The following ARHGAP20 variants were observed in gnomAD, a reference collection of about 807,000 sequenced individuals.
ARHGAP20 encodes rho GTPase-activating protein 20.
A neutral mutation model predicts 73.7 loss-of-function variants in ARHGAP20; 34 were observed. The ratio of observed to expected loss-of-function variants is 0.46; its 90% CI spans 0.35 to 0.61. ARHGAP20 has a LOEUF of 0.61. Among genes scored for constraint, ARHGAP20 ranks in the 20% least tolerant of loss-of-function variants. The pLI is 0.00. For synonymous variants in ARHGAP20, 523 were observed against 518.2 expected (o/e 1.01, Z -0.13); for missense variants, 1,314 against 1,420.9 (o/e 0.92, Z 1.21).
At chr11:110,597,955 T>C (rs1287435808) in intron 9 of ARHGAP20, among the ~76,000 whole-genome samples, 1 of 152,212 alleles carries the variant, frequency 6.6e-6, no homozygotes, top group African/African-American at 2.4e-5. Flanking sequence ...AAATGAGGGA[T>C]GTAAATGTAA....
chr11:110,649,516 G>T (rs1692719663), intron 2 of ARHGAP20, among the ~76,000 whole-genome samples: 1 of 152,060 alleles, frequency 6.6e-6, no homozygotes, highest in Admixed American at 6.6e-5. Context: ...TATATTAATA[G>T]AGTTCAAATA....
chr11:110,623,799 A>G (rs1240769993), intron 4 of ARHGAP20, among the ~76,000 whole-genome samples: 2 of 152,210 alleles, frequency 1.3e-5, no homozygotes, highest in African/African-American at 2.4e-5. Context: ...AGGGGGTCCT[A>G]AAGATGGGAC....
At chr11:110,706,358 C>T (rs754038347) in intron 1 of ARHGAP20, among the ~76,000 whole-genome samples, 10 of 152,130 alleles carry the variant, frequency 6.6e-5, no homozygotes, top group Non-Finnish European at 1.3e-4. Context: ...ACACCTACCT[C>T]ATATAATTGA....
intron 2 of ARHGAP20, among the ~76,000 whole-genome samples, chr11:110,664,313 T>C (rs997237292): frequency 3.3e-5 from 5 of 152,194 alleles, no homozygotes; most frequent in Non-Finnish European, 5.9e-5. Context: ...CCATTGAAGC[T>C]AACAAGTGAG....
chr11:110,620,110 C>T (rs1211012138), intron 4 of ARHGAP20, among the ~76,000 whole-genome samples: 2 of 152,122 alleles, frequency 1.3e-5, no homozygotes, highest in African/African-American at 4.8e-5. Flanking sequence ...CAGCTCACTG[C>T]AGTCTTGAAT....
At chr11:110,660,065 A>C (rs199598075) in intron 2 of ARHGAP20, among the ~76,000 whole-genome samples, 117 of 95,580 alleles carry the variant, frequency 1.2e-3, no homozygotes, top group African/African-American at 4.8e-3. Context: ...AAAAAACAAA[A>C]AAAAAAAAAA....
chr11:110,583,760 T>C (rs1252901435), intron 12 of ARHGAP20, 23 bp from the exon 13 acceptor site: 1 of 1,513,372 alleles, frequency 6.6e-7, no homozygotes, highest in East Asian at 2.3e-5. Context: ...AAATTACTCT[T>C]TAAGCAAGAC....
intron 2 of ARHGAP20, among the ~76,000 whole-genome samples, chr11:110,683,674 C>T (rs2135099684): frequency 6.6e-6 from 1 of 152,128 alleles, no homozygotes; most frequent in African/African-American, 2.4e-5. Flanking sequence ...ACACTATGCC[C>T]CATAAATATG....
intron 8 of ARHGAP20, 146 bp downstream of exon 8, chr11:110,608,838 C>A (rs1250715975): frequency 6.4e-6 from 4 of 622,428 alleles, no homozygotes; most frequent in Middle Eastern, 4.2e-4. Context: ...CATAGTAAAT[C>A]TTTGATAGAT....
At chr11:110,658,083 T>C (rs1488018237) in intron 2 of ARHGAP20, among the ~76,000 whole-genome samples, 2 of 152,164 alleles carry the variant, frequency 1.3e-5, no homozygotes, top group African/African-American at 4.8e-5. Flanking sequence ...ACTTAAAGAC[T>C]ATGTGACTTT....
intron 12 of ARHGAP20, among the ~76,000 whole-genome samples, chr11:110,585,098 T>C (rs1009400120): frequency 2.7e-5 from 4 of 149,930 alleles, no homozygotes; most frequent in African/African-American, 7.3e-5. Context: ...TATGTGAATA[T>C]ATGAATATAT....
intron 11 of ARHGAP20, chr11:110,589,293 C>T (rs1043854042): frequency 5.4e-5 from 33 of 609,618 alleles, no homozygotes; most frequent in Non-Finnish European, 6.4e-5. Context: ...ACCTTAGCTT[C>T]AACCCTCCAG....
At chr11:110,626,954 G>A (rs937215357) in intron 3 of ARHGAP20, among the ~76,000 whole-genome samples, 1 of 151,972 alleles carries the variant, frequency 6.6e-6, no homozygotes, top group Non-Finnish European at 1.5e-5. Context: ...CATAGTATTA[G>A]ACTATAGAAA....
chr11:110,689,099 C>T (rs553812108), intron 2 of ARHGAP20, among the ~76,000 whole-genome samples: 4 of 151,074 alleles, frequency 2.6e-5, no homozygotes, highest in South Asian at 2.1e-4. Flanking sequence ...CCCCGGTTCA[C>T]GCCATTCTCC....
At chr11:110,687,391 C>A (rs970724031) in intron 2 of ARHGAP20, among the ~76,000 whole-genome samples, 1 of 152,056 alleles carries the variant, frequency 6.6e-6, no homozygotes, top group Non-Finnish European at 1.5e-5. Context: ...CAAAACTCAT[C>A]ATATTTTGCT....
chr11:110,648,154 AATATATATATATATGTAAAT>A lies in ARHGAP20; in HGVS notation c.189-17382_189-17363del, dbSNP rs1164131662. On this transcript the variant is annotated intron_variant, in intron 2 of 14. Coordinates refer to ENST00000683387, the MANE Select transcript of ARHGAP20 (RefSeq NM_001384657.1). ...CCCAAACTCGGTCAGTGATATATATAATATATATATATATGTAAATATATATATATATATGTAAATATATA... is the reference window on the plus strand; with the variant it reads ...CCCAAACTCGGTCAGTGATATATATAATATATATATATATGTAAATATATA... Among the ~76,000 whole-genome samples the A allele has an allele frequency of 2.1e-3, 278 of 131,308 alleles. 2 individuals carry two copies. The highest frequency in any genetic ancestry group is 4.7e-3 in the East Asian group (22 of 4,726). 86.1% of individuals were successfully genotyped at this position (131,308 alleles called of 152,430 possible).
chr11:110,592,299 C>G (rs1434740187), intron 9 of ARHGAP20, 144 bp from the exon 10 acceptor site: 1 of 655,146 alleles, frequency 1.5e-6, no homozygotes, highest in Non-Finnish European at 2.4e-6. Flanking sequence ...ACAATTCAAC[C>G]TATAAAATTT....
At chr11:110,666,841 T>C (rs551321160) in intron 2 of ARHGAP20, among the ~76,000 whole-genome samples, 1 of 152,354 alleles carries the variant, frequency 6.6e-6, no homozygotes, top group African/African-American at 2.4e-5. Context: ...GAACGTGATA[T>C]AGCCTTATTG....
chr11:110,649,276 G>A (rs1949298146), intron 2 of ARHGAP20, among the ~76,000 whole-genome samples: 1 of 133,582 alleles, frequency 7.5e-6, no homozygotes, highest in South Asian at 2.3e-4. Flanking sequence ...CTGGCCTTAA[G>A]TGATCTTCCT....
Sources: gnomAD v4.1 joint callset for allele counts (sites outside exome capture counted in the v4.1 genomes callset) on GRCh38, gnomAD v4.1.1 for gene constraint, MANE v1.5 for transcripts, NCBI Gene and HGNC (gene_info 2026-07-23, HGNC 2026-07-21) for gene names.